Variants in TMEM232 observed in about 807,000 individuals in gnomAD.
TMEM232 encodes transmembrane protein 232.
A neutral mutation model predicts 78.8 loss-of-function variants in TMEM232; 80 were observed. That is an observed-to-expected ratio of 1.01 (90% CI 0.85 to 1.22). TMEM232 has a LOEUF of 1.22. Among genes scored for constraint, TMEM232 ranks in the 50% most tolerant of loss-of-function variants. TMEM232 has a pLI of 0.00. For missense variants in TMEM232, 881 were observed against 742.2 expected (o/e 1.19, Z -2.17); for synonymous variants, 297 against 254.3 (o/e 1.17, Z -1.60).
chr5:110,440,535 C>T (rs1331686046), intron 12 of TMEM232, among the ~76,000 whole-genome samples: 1 of 151,708 alleles, frequency 6.6e-6, no homozygotes, highest in East Asian at 1.9e-4. Flanking sequence ...TTTATTCTAC[C>T]CTCATATTTG....
At chr5:110,422,602 T>G (rs1756788546) in intron 13 of TMEM232, among the ~76,000 whole-genome samples, 1 of 150,986 alleles carries the variant, frequency 6.6e-6, no homozygotes, top group Non-Finnish European at 1.5e-5. Flanking sequence ...AAATTAAAAT[T>G]CTTGGTTTGC....
In TMEM232 at chr5:110,640,970, G is replaced by A. The variant is rs1041748874; in HGVS notation, c.264C>T (p.Gly88=). The stretch of plus-strand genomic sequence containing the variant: ...CAGGAAGATGCACATGCCTTCCAGA[G>A]CCCAGGGTTTTGAGACCCAATTTTC... ...CKRKLGLKTL[G]SGRHVHLPAA... The change falls in exon 4 of 14, where the codon GGC becomes GGT. Residue 88 remains glycine, a synonymous_variant. Transcript: ENST00000455884. 1.3e-5 allele frequency: 20 copies of A among 1,533,836 alleles called. No individual in the cohort carries two copies. Among genetic ancestry groups the A allele is most frequent in the Admixed American group, 1.0e-4 (5 of 48,948 alleles).
At chr5:110,404,350 G>A (rs1426779867) in intron 2 of TMEM232, among the ~76,000 whole-genome samples, 1 of 151,954 alleles carries the variant, frequency 6.6e-6, no homozygotes, top group African/African-American at 2.4e-5. Flanking sequence ...TAAAGAGAAA[G>A]GAGTAGAAGG....
At chr5:110,396,896 G>C (rs1040298239) in intron 3 of TMEM232, among the ~76,000 whole-genome samples, 4 of 152,110 alleles carry the variant, frequency 2.6e-5, no homozygotes, top group African/African-American at 9.7e-5. Flanking sequence ...CCATAGGAGA[G>C]AGGAAGATGA....
At chr5:110,713,206 T>C (rs248866) in intron 1 of TMEM232, among the ~76,000 whole-genome samples, 99,127 of 151,706 alleles carry the variant, frequency 0.65, 34,827 homozygotes, top group Non-Finnish European at 0.8. Context: ...TCAAAACAGT[T>C]GAACTCATGG....
At chr5:110,716,183 G>A (rs779964178) in intron 1 of TMEM232, among the ~76,000 whole-genome samples, 1 of 152,056 alleles carries the variant, frequency 6.6e-6, no homozygotes, top group African/African-American at 2.4e-5. Flanking sequence ...ATGGGTACTC[G>A]TATTTGGCTC....
chr5:110,611,595 C>T (rs1196838566), intron 8 of TMEM232, among the ~76,000 whole-genome samples: 1 of 152,062 alleles, frequency 6.6e-6, no homozygotes, highest in African/African-American at 2.4e-5. Flanking sequence ...ATCTTTCAGT[C>T]ATCATTTTTG....
intron 11 of TMEM232, among the ~76,000 whole-genome samples, chr5:110,534,916 C>T (rs1772090936): frequency 6.6e-6 from 1 of 152,024 alleles, no homozygotes; most frequent in Non-Finnish European, 1.5e-5. Context: ...CTTCTAACAA[C>T]CCCACAATAT....
chr5:110,618,424 C>T lies in TMEM232; in HGVS notation c.902+5G>A, dbSNP rs191803662. The T allele has an allele frequency of 2.6e-6, 4 of 1,550,226 alleles. No homozygotes were observed. The highest frequency in any genetic ancestry group is 3.5e-6 in the Non-Finnish European group (4 of 1,146,476). On this transcript the variant is annotated splice_donor_5th_base_variant and intron_variant, in intron 8 of 13. Coordinates refer to ENST00000455884, the MANE Select transcript of TMEM232 (RefSeq NM_001039763.4). ...GTTACTTTGGATTTATAGGATCACT[C>T]TTACCAGCATTTCTTTTGAAGCTGT...
chr5:110,392,675 GC>G (rs1240639493), intron 3 of TMEM232, among the ~76,000 whole-genome samples: 1 of 152,086 alleles, frequency 6.6e-6, no homozygotes, highest in African/African-American at 2.4e-5. Flanking sequence ...CATCATGAGG[GC>G]CCTACTTCAT....
intron 11 of TMEM232, among the ~76,000 whole-genome samples, chr5:110,552,678 G>C (rs1458558906): frequency 6.6e-6 from 1 of 151,990 alleles, no homozygotes; most frequent in African/African-American, 2.4e-5. Context: ...GCTTATTCAA[G>C]CTTATATATT....
chr5:110,539,711 C>A (rs1412276373), intron 11 of TMEM232, among the ~76,000 whole-genome samples: 1 of 152,160 alleles, frequency 6.6e-6, no homozygotes, highest in Non-Finnish European at 1.5e-5. Context: ...CATGGATGAC[C>A]TTCTTGTGCG....
intron 1 of TMEM232, among the ~76,000 whole-genome samples, chr5:110,673,031 T>C (rs886567350): frequency 3.9e-5 from 6 of 152,144 alleles, no homozygotes; most frequent in African/African-American, 7.2e-5. Context: ...CTATTCACAA[T>C]AGCAAAGACT....
chr5:110,480,842 T>C (rs1174504723), intron 12 of TMEM232, among the ~76,000 whole-genome samples: 2 of 152,100 alleles, frequency 1.3e-5, no homozygotes, highest in East Asian at 3.8e-4. Flanking sequence ...TATCAACCTA[T>C]TCCATGATAG....
intron 12 of TMEM232, among the ~76,000 whole-genome samples, chr5:110,513,239 T>C (rs11740143): frequency 0.038 from 5,812 of 152,260 alleles, 165 homozygotes; most frequent in Non-Finnish European, 0.054. Context: ...GGATTCAACC[T>C]CTAAGCTTCC....
intron 2 of TMEM232, among the ~76,000 whole-genome samples, chr5:110,652,294 G>GCGCGCACACACACACACACACACACACA (rs1554069154): frequency 1.7e-4 from 25 of 145,452 alleles, no homozygotes; most frequent in Admixed American, 1.4e-3. Flanking sequence ...GCACGCGCGC[G>GCGCGCACACACACACACACACACACACA]CACACACACA....
chr5:110,517,416 GC>G (rs946648279), intron 12 of TMEM232, among the ~76,000 whole-genome samples: 13 of 152,288 alleles, frequency 8.5e-5, no homozygotes, highest in Non-Finnish European at 1.6e-4. Flanking sequence ...ATTTAAATTT[GC>G]TTTTACACAA....
At chr5:110,737,143 A>C (rs1430711119) in intron 1 of TMEM232, among the ~76,000 whole-genome samples, 2 of 152,176 alleles carry the variant, frequency 1.3e-5, no homozygotes, top group African/African-American at 4.8e-5. Context: ...CAGTTCTAAC[A>C]ATGCAAGCAC....
intron 2 of TMEM232, among the ~76,000 whole-genome samples, chr5:110,733,701 A>G (rs1199449704): frequency 1.3e-5 from 2 of 152,112 alleles, no homozygotes; most frequent in Non-Finnish European, 2.9e-5. Context: ...GGGTGGGAGG[A>G]GAGAGAGGAT....
Sources: gnomAD v4.1 joint callset for allele counts (sites outside exome capture counted in the v4.1 genomes callset) on GRCh38, gnomAD v4.1.1 for gene constraint, MANE v1.5 for transcripts, NCBI Gene and HGNC (gene_info 2026-07-23, HGNC 2026-07-21) for gene names.